The following PTOV1 variants were observed in gnomAD, a reference collection of about 807,000 sequenced individuals.
PTOV1 encodes the protein PTOV1 extended AT-hook containing adaptor protein.
In PTOV1, 20 loss-of-function variants were observed where a neutral mutation model predicts 58.0. The ratio of observed to expected loss-of-function variants is 0.34; its 90% CI spans 0.24 to 0.50. PTOV1 has a LOEUF of 0.50. PTOV1 is among the 20% of genes least tolerant of loss of function. The pLI is 0.98. For synonymous variants in PTOV1, 335 were observed against 234.2 expected (o/e 1.43, Z -3.93); for missense variants, 593 against 565.4 (o/e 1.05, Z -0.50).
chr19:49,854,694 A>G, exon 3 of PTOV1: 3 of 1,612,904 alleles, frequency 1.9e-6, no homozygotes, highest in Non-Finnish European at 2.5e-6. Flanking sequence ...GCTGAAGCGG[A>G]CCCTGCCCTG....
At chr19:49,857,088 C>T (rs759381354) in exon 6 of PTOV1, 2 of 1,614,114 alleles carry the variant, frequency 1.2e-6, no homozygotes, top group South Asian at 1.1e-5. Flanking sequence ...ACCAGAGCGG[C>T]TTCGTCAGTG....
chr19:49,858,821 C>A, intron 10 of PTOV1, 168 bp downstream of exon 10: 1 of 613,174 alleles, frequency 1.6e-6, no homozygotes. Context: ...GCTGTCCCCA[C>A]GGCACTGGAT....
At position 49,854,722 on chromosome 19, in the gene PTOV1, A is replaced by G. The variant is rs202190749; in HGVS notation, c.380A>G (p.Gln127Arg). The change falls in exon 3 of 12, where the codon CAA becomes CGA. Residue 127 changes from glutamine to arginine, a missense_variant. By Grantham distance (43) the Gln-to-Arg change is conservative. Transcript: ENST00000391842. ...CTGCCCTGCCAAGCCTACGTGAACC[A>G]AGGCGAGAACCTGTGAGTGCCGGGG... is the stretch of plus-strand genomic sequence containing the variant. 5.6e-6 allele frequency: 9 copies of G among 1,613,484 alleles called. No homozygotes were observed. The highest frequency in any genetic ancestry group is 7.6e-6 in the Non-Finnish European group (9 of 1,179,956).
chr19:49,853,615 C>CA (rs55676005), intron 1 of PTOV1, among the ~76,000 whole-genome samples: 56,781 of 149,700 alleles, frequency 0.38, 11,149 homozygotes, highest in African/African-American at 0.48. Context: ...AACTCTGTCT[C>CA]AAAAAAAAAA....
rs753558526 is a variant in PTOV1, at chr19:49,857,992, G to C, written c.878+15G>C. ...GGGGAGATCCTGTGAGTGCTGGGCT[G>C]GGGGGTGGAGGCAGCATCCAGGGGA... is the stretch of plus-strand genomic sequence containing the variant. On this transcript the variant is annotated intron_variant, in intron 8 of 11. Transcript: ENST00000391842. 4 of 1,611,798 alleles carry C rather than the reference G, an allele frequency of 2.5e-6. No individual in the cohort carries two copies. The highest frequency in any genetic ancestry group is 1.6e-4 in the Middle Eastern group (1 of 6,068).
At chr19:49,858,068 A>G (rs755864677) in exon 9 of PTOV1, 7 of 1,614,040 alleles carry the variant, frequency 4.3e-6, no homozygotes, top group South Asian at 2.2e-5. Context: ...AGGACCGAGC[A>G]GTGGCCAAGG....
exon 11 of PTOV1, chr19:49,860,090 C>T: frequency 6.2e-7 from 1 of 1,614,228 alleles, no homozygotes; most frequent in African/African-American, 1.3e-5. Context: ...TCCCCCATGA[C>T]CAGGGCAACT....
upstream of PTOV1, chr19:49,851,088 G>A (rs1435270727): frequency 2.1e-6 from 3 of 1,448,724 alleles, no homozygotes; most frequent in South Asian, 1.4e-5. Flanking sequence ...GCTCCCCCGC[G>A]CCGCCTTGGT....
In PTOV1 at chr19:49,857,681, C is replaced by T. The variant is rs375304391; in HGVS notation, c.715-12C>T. On this transcript the variant is annotated splice_polypyrimidine_tract_variant and intron_variant, in intron 6 of 11. Transcript: ENST00000391842. ...CCTGGGCCCCTCTTCCCACCCCGTT[C>T]CCTTCCAACAGGCAGTGGGACCTGG... 9.3e-6 allele frequency: 15 copies of T among 1,612,886 alleles called. No individual in the cohort carries two copies. In the African/African-American group the frequency reaches 1.6e-4, roughly 17 times the overall value.
chr19:49,851,379 CG>C lies in PTOV1; in HGVS notation c.56del (p.Gly19ValfsTer65). 1 of 1,151,528 alleles carries C rather than the reference CG, an allele frequency of 8.7e-7. No homozygotes were observed. The highest frequency in any genetic ancestry group is 1.1e-6 in the Non-Finnish European group (1 of 937,376). The allele number at this position is 1,151,528 out of a possible 1,614,324, so 71.3% of individuals were successfully genotyped here. ...ACCGCTCCGGCGCCGGGGGCCCCCT[CG>C]GGGGTCGCGGCCGCCCTCCGCGGCC... On this transcript the variant is annotated frameshift_variant, in exon 1 of 12. Coordinates refer to ENST00000391842, the Ensembl canonical transcript of PTOV1. LOFTEE classifies it high-confidence loss of function.
rs377219263 is a variant in PTOV1, at chr19:49,857,800, C to T, written c.804+18C>T. 95 of 1,613,722 alleles carry T rather than the reference C, an allele frequency of 5.9e-5. No individual in the cohort carries two copies. The highest frequency in any genetic ancestry group is 1.1e-4 in the East Asian group (5 of 44,886). Reference sequence around the variant, plus strand: ...GGCAGGAGGTGAGCACTCGGCAGCCCAGGGACTTGGGACCCCCAGATCCTC... The same window carrying T: ...GGCAGGAGGTGAGCACTCGGCAGCCTAGGGACTTGGGACCCCCAGATCCTC... On this transcript the variant is annotated intron_variant, in intron 7 of 11. Coordinates refer to ENST00000391842, the Ensembl canonical transcript of PTOV1.
At chr19:49,856,002 A>G (rs1290528758) in intron 5 of PTOV1, 6 of 152,114 alleles carry the variant, frequency 3.9e-5, no homozygotes, top group Non-Finnish European at 7.4e-5. Context: ...GGACATTCCC[A>G]GTCCCTGTTC....
At chr19:49,850,740 TCTCAGG>T, upstream of PTOV1, 1 of 1,001,892 alleles carries the variant, frequency 1.0e-6, no homozygotes, top group Non-Finnish European at 1.4e-6. Flanking sequence ...CCTTCAGCTG[TCTCAGG>T]CTCGGGTGCA....
chr19:49,857,373 G>T, intron 6 of PTOV1: 1 of 628,794 alleles, frequency 1.6e-6, no homozygotes, highest in Non-Finnish European at 2.8e-6. Context: ...GCGGAGCGGG[G>T]AGCTGGGCAG....
intron 10 of PTOV1, 116 bp downstream of exon 10, chr19:49,858,769 A>G (rs1168805268): frequency 2.6e-5 from 23 of 891,208 alleles, no homozygotes; most frequent in South Asian, 9.1e-5. Flanking sequence ...CCAGCTGGGG[A>G]GAGAGGGTGG....
At chr19:49,858,034 C>G (rs759954073) in intron 8 of PTOV1, 23 bp from the exon 9 acceptor site, 1 of 1,613,742 alleles carries the variant, frequency 6.2e-7, no homozygotes, top group South Asian at 1.1e-5. Flanking sequence ...GCTTCCTGAC[C>G]CTCGTCCCTT....
At chr19:49,860,448 GGCA>G in exon 12 of PTOV1, 2 of 1,056,628 alleles carry the variant, frequency 1.9e-6, no homozygotes, top group East Asian at 5.2e-5. Flanking sequence ...CAGAGGGAGA[GGCA>G]GCAGTCCCAG....
intron 1 of PTOV1, 71 bp downstream of exon 1, chr19:49,851,570 C>G (rs2074249283): frequency 4.4e-5 from 46 of 1,051,200 alleles, no homozygotes; most frequent in Non-Finnish European, 5.4e-5. Flanking sequence ...GGGCTCACGC[C>G]TTTGTCCGCA....
At chr19:49,854,178 A>C (rs1218784426) in intron 1 of PTOV1, among the ~76,000 whole-genome samples, 1 of 152,226 alleles carries the variant, frequency 6.6e-6, no homozygotes, top group Non-Finnish European at 1.5e-5. Context: ...TCAAGGTGAC[A>C]GCAGGCTCTG....
Sources: gnomAD v4.1 joint callset for allele counts (sites outside exome capture counted in the v4.1 genomes callset) on GRCh38, gnomAD v4.1.1 for gene constraint, MANE v1.5 for transcripts, NCBI Gene and HGNC (gene_info 2026-07-23, HGNC 2026-07-21) for gene names.